The following PEAK1 variants were observed in gnomAD, a reference collection of about 807,000 sequenced individuals.
PEAK1 encodes the protein pseudopodium enriched atypical kinase 1.
Under a neutral mutation model 124.7 loss-of-function variants are expected in PEAK1, and 54 were observed. That is an observed-to-expected ratio of 0.43 (90% CI 0.35 to 0.54). PEAK1 has a LOEUF of 0.54. Ranked by LOEUF, PEAK1 falls within the 20% of genes least tolerant of loss-of-function variation. PEAK1 has a pLI of 0.01. For missense variants in PEAK1, 2,046 were observed against 2,134.5 expected, an observed-to-expected ratio of 0.96 and a Z score of 0.82; for synonymous variants, 719 against 760.0, an observed-to-expected ratio of 0.95 and a Z score of 0.89.
intron 2 of PEAK1, chr15:77,334,189 TACTG>T (rs2066057563): frequency 1.0e-6 from 1 of 979,484 alleles, no homozygotes. Flanking sequence ...ATTGAGAAAG[TACTG>T]ACTTCAGTAC....
In PEAK1 at chr15:77,115,243, A is replaced by T. The variant is rs1211864413; in HGVS notation, c.4154T>A (p.Phe1385Tyr). ...ATGACCACAGTCCTGCTGAATGTTA[A>T]AATGGACAGCCAGACTCTGCCGGAC... The part of the protein sequence containing the change: ...LAVRQSLAVH[F>Y]NIQQDCGHFL... The change falls in exon 10 of 10, where the codon TTT (phenylalanine) becomes TAT (tyrosine). Residue 1385 changes from phenylalanine to tyrosine, a missense_variant. Coordinates refer to ENST00000682557, the MANE Select transcript of PEAK1 (RefSeq NM_001385026.1). 2 of 1,614,098 alleles carry T rather than the reference A, an allele frequency of 1.2e-6. No homozygotes were observed. Among genetic ancestry groups the T allele is most frequent in the Admixed American group, 1.7e-5 (1 of 60,014 alleles).
At chr15:77,187,434 A>G (rs1000013848) in intron 6 of PEAK1, among the ~76,000 whole-genome samples, 1 of 152,164 alleles carries the variant, frequency 6.6e-6, no homozygotes, top group Admixed American at 6.5e-5. Context: ...AAAACCCCAC[A>G]AAAATACAAA....
chr15:77,337,161 T>C lies in PEAK1; in HGVS notation c.-603+28002A>G, dbSNP rs945542884. 185 of 985,022 alleles carry C rather than the reference T, an allele frequency of 1.9e-4. No individual in the cohort carries two copies. In the African/African-American group the frequency reaches 3.1e-3, roughly 16 times the overall value. The allele number at this position is 985,022 out of a possible 1,614,324, so 61.0% of individuals were successfully genotyped here. ...AAGAAGCATCATTATAACCTACCTGTGCCCATGAAGTTTGAGAAGCAGGTA... is the reference window on the plus strand; with the variant it reads ...AAGAAGCATCATTATAACCTACCTGCGCCCATGAAGTTTGAGAAGCAGGTA... On this transcript the variant is annotated intron_variant, in intron 2 of 9. Coordinates refer to ENST00000682557, the MANE Select transcript of PEAK1 (RefSeq NM_001385026.1).
chr15:77,288,990 G>A (rs1017533905), intron 2 of PEAK1, among the ~76,000 whole-genome samples: 1 of 151,166 alleles, frequency 6.6e-6, no homozygotes, highest in African/African-American at 2.4e-5. Flanking sequence ...ACATTCATAG[G>A]AGGCTAAGAA....
intron 5 of PEAK1, among the ~76,000 whole-genome samples, chr15:77,261,457 G>A (rs913012548): frequency 1.2e-4 from 18 of 152,112 alleles, no homozygotes; most frequent in Admixed American, 2.0e-4. Context: ...ACCACGGCAC[G>A]AGAACTATGT....
intron 2 of PEAK1, among the ~76,000 whole-genome samples, chr15:77,303,802 T>A (rs900205225): frequency 2.6e-5 from 4 of 152,210 alleles, no homozygotes; most frequent in African/African-American, 9.6e-5. Context: ...TATTTTAAAA[T>A]CTTTTACCAA....
At chr15:77,303,381 T>TTCCTGTTAC (rs1336396128) in intron 2 of PEAK1, among the ~76,000 whole-genome samples, 2 of 152,042 alleles carry the variant, frequency 1.3e-5, no homozygotes, top group African/African-American at 4.8e-5. Flanking sequence ...TGAATGAGAG[T>TTCCTGTTAC]TCCTGTTACT....
intron 1 of PEAK1, among the ~76,000 whole-genome samples, chr15:77,366,319 G>A (rs1229062038): frequency 6.6e-6 from 1 of 151,954 alleles, no homozygotes; most frequent in Non-Finnish European, 1.5e-5. Flanking sequence ...AAATGTCTCT[G>A]AAGAGAAAAA....
chr15:77,350,937 A>C (rs1597397051), intron 2 of PEAK1: 1 of 985,268 alleles, frequency 1.0e-6, no homozygotes, highest in East Asian at 1.1e-4. Context: ...ATTCACATGT[A>C]AAGCACTCCA....
rs190905119 is a variant in PEAK1, at chr15:77,344,329, C to T, written c.-603+20834G>A. 1.9e-3 allele frequency among the ~76,000 whole-genome samples: 295 copies of T among 152,174 alleles called. 1 individual carries two copies. The highest frequency in any genetic ancestry group is 6.8e-3 in the African/African-American group (283 of 41,506). On this transcript the variant is annotated intron_variant, in intron 2 of 9. Transcript: ENST00000682557. ...CAGGATGGTCTCGATCTCCTGATCT[C>T]GTGATCCACCTGCCCTGGCCTCCCA...
At position 77,114,810 on chromosome 15, in the gene PEAK1, A is replaced by G. The variant is rs1351177727; in HGVS notation, c.4587T>C (p.Pro1529=). 6.2e-7 allele frequency: 1 copy of G among 1,613,362 alleles called. No individual in the cohort carries two copies. The highest frequency in any genetic ancestry group is 8.5e-7 in the Non-Finnish European group (1 of 1,179,946). Residue 1529 remains proline (P), a synonymous_variant, in exon 10 of 10, where the codon CCT becomes CCC. Coordinates refer to ENST00000682557, the MANE Select transcript of PEAK1 (RefSeq NM_001385026.1). ...GCCCAAAGCCTTGGGCAGTCCCCCC[A>G]GGCTGGTAGTGGACAAGTAGCAGGT... ...LENLLLVHYQ[P]GGTAQGFGPA... is the part of the protein sequence containing the mutation.
chr15:77,187,928 C>A (rs975357446), intron 6 of PEAK1, among the ~76,000 whole-genome samples: 2 of 152,188 alleles, frequency 1.3e-5, no homozygotes, highest in Non-Finnish European at 2.9e-5. Flanking sequence ...ACCATACCCA[C>A]GTCACTGTTC....
At chr15:77,294,755 A>G (rs963397212) in intron 2 of PEAK1, among the ~76,000 whole-genome samples, 1 of 152,202 alleles carries the variant, frequency 6.6e-6, no homozygotes, top group African/African-American at 2.4e-5. Flanking sequence ...TAGATGCTGG[A>G]CATTATAATA....
rs1358225494 is a variant in PEAK1 at position 77,112,352 on chromosome 15, T to G, written c.*1804A>C. 2 of 152,238 alleles carry G rather than the reference T, an allele frequency of 1.3e-5. No individual in the cohort carries two copies. The highest frequency in any genetic ancestry group is 4.8e-5 in the African/African-American group (2 of 41,460). 9.4% of individuals were successfully genotyped at this position (152,238 alleles called of 1,614,324 possible). A position where few individuals can be genotyped will look rare whatever the true frequency, so the allele number is the denominator to read the frequency against. On this transcript the variant is annotated 3_prime_UTR_variant, in exon 10 of 10. Transcript: ENST00000682557. ...TAAAAATGTTAAAAGTTTAGAAATT[T>G]CCAAGGCCACTAATGTGCTATGTAA...
intron 2 of PEAK1, among the ~76,000 whole-genome samples, chr15:77,327,588 T>C (rs1384793056): frequency 2.0e-5 from 3 of 151,994 alleles, no homozygotes; most frequent in South Asian, 2.1e-4. Context: ...ATATCAACAA[T>C]AATAAAATAT....
chr15:77,352,714 G>A, intron 2 of PEAK1: 1 of 954,338 alleles, frequency 1.0e-6, no homozygotes, highest in Non-Finnish European at 1.2e-6. Flanking sequence ...GTTTCAAGAA[G>A]ATTTGAAATA....
rs190552143 is a variant in PEAK1 at position 77,367,443 on chromosome 15, C to T, written c.-665-2218G>A. 2.0e-5 allele frequency among the ~76,000 whole-genome samples: 3 copies of T among 152,270 alleles called. No homozygotes were observed. In the East Asian group the frequency reaches 5.8e-4, roughly 29 times the overall value. On this transcript the variant is annotated intron_variant, in intron 1 of 9. Coordinates refer to ENST00000682557, the MANE Select transcript of PEAK1 (RefSeq NM_001385026.1). ...TAAGAGTGATTAAAATGTTCTATAT[C>T]TTGATTATGGCGGTTGTCAACAGGA...
chr15:77,259,281 C>A (rs1019608563), intron 5 of PEAK1, among the ~76,000 whole-genome samples: 1 of 152,064 alleles, frequency 6.6e-6, no homozygotes, highest in African/African-American at 2.4e-5. Context: ...AATGCCATTC[C>A]TTCATATTTC....
At chr15:77,398,139 A>G (rs2071055108) in intron 1 of PEAK1, among the ~76,000 whole-genome samples, 1 of 152,200 alleles carries the variant, frequency 6.6e-6, no homozygotes, top group Non-Finnish European at 1.5e-5. Context: ...AGAAAAGCTC[A>G]GGACTCAATA....
Sources: allele counts gnomAD v4.1 joint callset (sites outside exome capture counted in the v4.1 genomes callset), GRCh38; gene constraint gnomAD v4.1.1; transcripts MANE v1.5; gene names NCBI Gene and HGNC (gene_info 2026-07-23, HGNC 2026-07-21).